The following ACYP2 variants were observed in gnomAD, a reference collection of about 807,000 sequenced individuals.
ACYP2 encodes the protein acylphosphatase 2.
Under a neutral mutation model 11.2 loss-of-function variants are expected in ACYP2, and 12 were observed. That is an observed-to-expected ratio of 1.08 (90% CI 0.69 to 1.74). ACYP2 has a LOEUF of 1.74. ACYP2 is among the 40% of genes most tolerant of loss of function. The pLI, the probability that ACYP2 is intolerant of heterozygous loss-of-function variation, is 0.00. For missense variants in ACYP2, 134 were observed against 101.9 expected, an observed-to-expected ratio of 1.31 and a Z score of -1.35; for synonymous variants, 43 against 32.2, an observed-to-expected ratio of 1.33 and a Z score of -1.13.
chr2:54,094,697 C>G (rs556720175), intron 4 of ACYP2, among the ~76,000 whole-genome samples: 3 of 151,862 alleles, frequency 2.0e-5, no homozygotes. Flanking sequence ...GCCACCACGC[C>G]CAGCTAATTT....
At chr2:53,997,387 C>T (rs1459588352) in intron 2 of ACYP2, among the ~76,000 whole-genome samples, 2 of 152,094 alleles carry the variant, frequency 1.3e-5, no homozygotes, top group African/African-American at 4.8e-5. Context: ...CTCACTACAA[C>T]CTCTGCCTTC....
intron 6 of ACYP2, among the ~76,000 whole-genome samples, chr2:54,226,621 AAG>A (rs765396505): frequency 6.6e-6 from 1 of 152,218 alleles, no homozygotes; most frequent in Non-Finnish European, 1.5e-5. Context: ...AGTGAAAGCA[AAG>A]AGAGAATACT....
intron 2 of ACYP2, among the ~76,000 whole-genome samples, chr2:54,042,263 C>T (rs1389016877): frequency 6.6e-6 from 1 of 152,218 alleles, no homozygotes; most frequent in Non-Finnish European, 1.5e-5. Context: ...GCCTTGGCCT[C>T]CCAAAGTGCT....
At chr2:54,205,658 C>T (rs1262469674) in intron 6 of ACYP2, among the ~76,000 whole-genome samples, 3 of 152,156 alleles carry the variant, frequency 2.0e-5, no homozygotes, top group Non-Finnish European at 4.4e-5. Flanking sequence ...TTAGATTTAC[C>T]TTCCCAAGTA....
intron 6 of ACYP2, among the ~76,000 whole-genome samples, chr2:54,173,639 T>C (rs191867141): frequency 0.015 from 2,354 of 152,272 alleles, 25 homozygotes; most frequent in Non-Finnish European, 0.023. Context: ...AATGGTATTG[T>C]CTAGGTTTTT....
intron 2 of ACYP2, among the ~76,000 whole-genome samples, chr2:54,035,821 C>T (rs988753267): frequency 2.6e-5 from 4 of 152,104 alleles, no homozygotes; most frequent in African/African-American, 9.7e-5. Flanking sequence ...GAAGTACCTT[C>T]TAAGGACTTG....
intron 6 of ACYP2, among the ~76,000 whole-genome samples, chr2:54,271,970 C>T (rs896138718): frequency 2.6e-5 from 4 of 152,102 alleles, no homozygotes; most frequent in Admixed American, 2.0e-4. Context: ...GAAGTGAATG[C>T]AGTTGCCATT....
chr2:54,255,308 C>A (rs1172663555), intron 6 of ACYP2: 1 of 1,614,216 alleles, frequency 6.2e-7, no homozygotes, highest in South Asian at 1.1e-5. Flanking sequence ...AGCTCCTTCA[C>A]TTCCAAATTG....
chr2:54,095,476 CCT>C (rs1181129491), intron 4 of ACYP2, among the ~76,000 whole-genome samples: 3 of 151,352 alleles, frequency 2.0e-5, no homozygotes, highest in African/African-American at 7.3e-5. Context: ...CAGAGGCGCC[CCT>C]CACCTCCCGG....
At chr2:54,256,098 T>C (rs749198874) in intron 6 of ACYP2, 2 of 1,614,162 alleles carry the variant, frequency 1.2e-6, no homozygotes, top group Non-Finnish European at 1.7e-6. Context: ...GGTGCGGGTC[T>C]TCCAGAGCAT....
chr2:54,126,722 C>T (rs1230388823), intron 4 of ACYP2, among the ~76,000 whole-genome samples: 3 of 151,404 alleles, frequency 2.0e-5, no homozygotes, highest in African/African-American at 7.3e-5. Context: ...CCTAGGCGGG[C>T]GGATCACCTG....
At chr2:54,197,023 G>C (rs994085190) in intron 6 of ACYP2, among the ~76,000 whole-genome samples, 3 of 152,178 alleles carry the variant, frequency 2.0e-5, no homozygotes, top group African/African-American at 7.2e-5. Flanking sequence ...ACTGTGTTAG[G>C]AGAAGGTACT....
chr2:54,221,520 CTTTTT>C (rs548466074), intron 6 of ACYP2, among the ~76,000 whole-genome samples: 8 of 127,286 alleles, frequency 6.3e-5, no homozygotes, highest in African/African-American at 5.9e-5. Context: ...GAATAAAATT[CTTTTT>C]TTTTTTTTTT....
chr2:53,973,119 A>G (rs977859561), intron 1 of ACYP2, among the ~76,000 whole-genome samples: 1 of 152,198 alleles, frequency 6.6e-6, no homozygotes, highest in African/African-American at 2.4e-5. Flanking sequence ...GGAGAAGCGA[A>G]CAATCCTACC....
intron 4 of ACYP2, among the ~76,000 whole-genome samples, chr2:54,097,822 C>G (rs1472587973): frequency 2.0e-5 from 3 of 151,678 alleles, no homozygotes; most frequent in Non-Finnish European, 4.4e-5. Context: ...TATTATTATA[C>G]CTAATGAATT....
intron 6 of ACYP2, among the ~76,000 whole-genome samples, chr2:54,177,901 C>CTTTT (rs1241070377): frequency 4.8e-5 from 6 of 124,044 alleles, no homozygotes; most frequent in African/African-American, 2.3e-4. Context: ...TTCTTTCTTT[C>CTTTT]TTTATTTTTT....
chr2:54,049,870 G>A (rs1675741028), intron 2 of ACYP2, among the ~76,000 whole-genome samples: 1 of 152,032 alleles, frequency 6.6e-6, no homozygotes, highest in South Asian at 2.1e-4. Context: ...AGCTTATCTT[G>A]TATTTTCCCT....
At chr2:54,007,587 C>T (rs1364992086) in intron 2 of ACYP2, among the ~76,000 whole-genome samples, 1 of 151,926 alleles carries the variant, frequency 6.6e-6, no homozygotes, top group African/African-American at 2.4e-5. Context: ...AAAGGTTGGC[C>T]GGATGTGGTG....
chr2:54,124,953 C>T (rs763673223), intron 4 of ACYP2, among the ~76,000 whole-genome samples: 14 of 152,130 alleles, frequency 9.2e-5, no homozygotes, highest in South Asian at 2.1e-4. Flanking sequence ...GGGGTTTCAC[C>T]ATGTTGCCCA....
Sources: gnomAD v4.1 joint callset for allele counts (sites outside exome capture counted in the v4.1 genomes callset) on GRCh38, gnomAD v4.1.1 for gene constraint, MANE v1.5 for transcripts, NCBI Gene and HGNC (gene_info 2026-07-23, HGNC 2026-07-21) for gene names.